Variants in MTDH observed in about 807,000 individuals in gnomAD.
MTDH encodes metadherin, also known as protein LYRIC.
Under a neutral mutation model 72.7 loss-of-function variants are expected in MTDH, and 34 were observed. That is an observed-to-expected ratio of 0.47 (90% confidence interval 0.36 to 0.62). The LOEUF (loss-of-function observed/expected upper bound fraction) is 0.62. Among genes scored for constraint, MTDH ranks in the 20% least tolerant of loss-of-function variants. The pLI is 0.00. For synonymous variants in MTDH, 266 were observed against 268.9 expected (o/e 0.99, Z 0.10); for missense variants, 677 against 699.4 (o/e 0.97, Z 0.36).
chr8:97,680,760 T>C (rs189812528), intron 2 of MTDH, among the ~76,000 whole-genome samples: 181 of 152,312 alleles, frequency 1.2e-3, no homozygotes, highest in African/African-American at 4.1e-3. Context: ...TAAAGGTCGT[T>C]AGTTTCATGC....
At position 97,728,757 on chromosome 8, in the gene MTDH, C is replaced by T. The variant is rs879140898; in HGVS notation, c.*4087C>T. On this transcript the variant is annotated 3_prime_UTR_variant, in exon 12 of 12. Coordinates refer to ENST00000336273, the MANE Select transcript of MTDH (RefSeq NM_178812.4). ...AGCAATAGAGAGACCCCCATCTCGA[C>T]AAAAAAAAAAAAAAAAAATTAGAAA... 1.5e-5 allele frequency: 1 copy of T among 68,796 alleles called. No homozygotes were observed. Among genetic ancestry groups the T allele is most frequent in the African/African-American group, 4.9e-5 (1 of 20,344 alleles). The allele number at this position is 68,796 out of a possible 1,614,324, so 4.3% of individuals were successfully genotyped here. A position where few individuals can be genotyped will look rare whatever the true frequency, so the allele number is the denominator to read the frequency against.
intron 2 of MTDH, among the ~76,000 whole-genome samples, chr8:97,676,060 C>T (rs1444901755): frequency 1.3e-5 from 2 of 151,814 alleles, no homozygotes; most frequent in South Asian, 4.2e-4. Flanking sequence ...CCATCTCAGC[C>T]ACCCAAGTAG....
intron 5 of MTDH, among the ~76,000 whole-genome samples, chr8:97,690,750 G>A (rs1813570774): frequency 6.6e-6 from 1 of 152,130 alleles, no homozygotes; most frequent in African/African-American, 2.4e-5. Flanking sequence ...CTTTGAGCAA[G>A]TTATTCTGCT....
At chr8:97,716,999 C>T (rs1049414844) in intron 9 of MTDH, among the ~76,000 whole-genome samples, 6 of 152,060 alleles carry the variant, frequency 3.9e-5, no homozygotes, top group African/African-American at 7.2e-5. Flanking sequence ...TTTTGGTGTT[C>T]GTGTGTGGCT....
intron 2 of MTDH, among the ~76,000 whole-genome samples, chr8:97,671,818 C>G (rs972750010): frequency 2.0e-5 from 3 of 151,940 alleles, no homozygotes; most frequent in African/African-American, 7.3e-5. Flanking sequence ...CCCTCCAGCC[C>G]GGATGGTAGA....
intron 5 of MTDH, among the ~76,000 whole-genome samples, chr8:97,689,874 A>T (rs1813516841): frequency 6.6e-6 from 1 of 151,258 alleles, no homozygotes; most frequent in African/African-American, 2.4e-5. Flanking sequence ...TACCTGGCTA[A>T]TTTTTTTATT....
At chr8:97,649,477 A>T (rs1230796250) in intron 1 of MTDH, among the ~76,000 whole-genome samples, 1 of 152,220 alleles carries the variant, frequency 6.6e-6, no homozygotes, top group Non-Finnish European at 1.5e-5. Context: ...AAAATTCATG[A>T]CATGGCACTC....
At chr8:97,710,667 CAG>C (rs1382466275) in intron 8 of MTDH, among the ~76,000 whole-genome samples, 1 of 107,102 alleles carries the variant, frequency 9.3e-6, no homozygotes, top group Non-Finnish European at 1.7e-5. Context: ...GCCTGGGCAA[CAG>C]AGTGAGACTA....
intron 2 of MTDH, among the ~76,000 whole-genome samples, chr8:97,682,272 A>G (rs1472793932): frequency 6.5e-4 from 4 of 6,124 alleles, no homozygotes; most frequent in African/African-American, 1.3e-3. Flanking sequence ...ATATATATAT[A>G]TATATATATT....
intron 7 of MTDH, among the ~76,000 whole-genome samples, chr8:97,700,525 TG>T (rs1814073784): frequency 2.0e-5 from 3 of 152,148 alleles, no homozygotes; most frequent in Admixed American, 2.0e-4. Flanking sequence ...TCTCTGAAAA[TG>T]GGGACTAGCA....
intron 6 of MTDH, among the ~76,000 whole-genome samples, chr8:97,693,742 G>T (rs1442664956): frequency 6.6e-6 from 1 of 152,024 alleles, no homozygotes; most frequent in Non-Finnish European, 1.5e-5. Context: ...TTGAGACAGG[G>T]TCGTACTCTG....
Position 97,719,042 on chromosome 8 carries a change from T to C in MTDH, c.1381-7T>C, listed in dbSNP as rs1814995533. 1.3e-6 allele frequency: 2 copies of C among 1,581,662 alleles called. No homozygotes were observed. The highest frequency in any genetic ancestry group is 1.7e-6 in the Non-Finnish European group (2 of 1,165,812). On this transcript the variant is annotated splice_polypyrimidine_tract_variant and splice_region_variant and intron_variant, in intron 9 of 11. Coordinates refer to ENST00000336273, the MANE Select transcript of MTDH (RefSeq NM_178812.4). ...TATATAATCTAATAGGTTATTTTTC[T>C]CTATAGGACACAGAAGAATTAGAAA...
At chr8:97,697,130 A>AAAAAAAAAAAAAAAAATATC (rs1813874804) in intron 6 of MTDH, among the ~76,000 whole-genome samples, 1 of 93,394 alleles carries the variant, frequency 1.1e-5, no homozygotes, top group Non-Finnish European at 1.9e-5. Flanking sequence ...AAAAAAAAAA[A>AAAAAAAAAAAAAAAAATATC]TATATATATA....
intron 9 of MTDH, 119 bp from the exon 10 acceptor site, chr8:97,718,930 A>G: frequency 1.1e-6 from 1 of 890,740 alleles, no homozygotes. Context: ...TCCTGAGCTC[A>G]AGCAATTCAC....
chr8:97,713,583 A>G lies in MTDH; in HGVS notation c.1273-79A>G, dbSNP rs1303794481. ...AAATGAAGACTGTACCTAATGAATG[A>G]AATTATTTCATAATAATTTTCTAAA... On this transcript the variant is annotated intron_variant, in intron 8 of 11. Transcript: ENST00000336273. The G allele has an allele frequency of 8.6e-6, 7 of 811,634 alleles. No individual in the cohort carries two copies. The East Asian group carries it at 1.5e-4, about 17-fold the overall frequency. 50.3% of individuals were successfully genotyped at this position (811,634 alleles called of 1,614,324 possible). A position where few individuals can be genotyped will look rare whatever the true frequency, so the allele number is the denominator to read the frequency against.
At chr8:97,672,936 G>A (rs1338229639) in intron 2 of MTDH, among the ~76,000 whole-genome samples, 4 of 152,134 alleles carry the variant, frequency 2.6e-5, no homozygotes, top group Non-Finnish European at 5.9e-5. Context: ...ATAATTTAAT[G>A]ACTTGGACGA....
chr8:97,646,213 A>G (rs959322180), intron 1 of MTDH, among the ~76,000 whole-genome samples: 1 of 152,204 alleles, frequency 6.6e-6, no homozygotes. Context: ...TAGAGATGTG[A>G]CAGGTCACAG....
Position 97,728,848 on chromosome 8 carries a change from T to C in MTDH, c.*4178T>C, listed in dbSNP as rs1261851430. 6.6e-6 allele frequency: 1 copy of C among 150,736 alleles called. No individual in the cohort carries two copies. Among genetic ancestry groups the C allele is most frequent in the African/African-American group, 2.4e-5 (1 of 41,182 alleles). The allele number at this position is 150,736 out of a possible 1,614,324, so 9.3% of individuals were successfully genotyped here. ...AGGCAATCCAGAGCCCATATGACAT[T>C]ATGCAGGGTCAGGGATCCGGGTTCT... is the stretch of plus-strand genomic sequence containing the variant. On this transcript the variant is annotated 3_prime_UTR_variant, in exon 12 of 12. Coordinates refer to ENST00000336273, the MANE Select transcript of MTDH (RefSeq NM_178812.4).
At chr8:97,714,680 A>G (rs1486450299) in intron 9 of MTDH, among the ~76,000 whole-genome samples, 3 of 152,106 alleles carry the variant, frequency 2.0e-5, no homozygotes, top group Non-Finnish European at 2.9e-5. Flanking sequence ...TTAAAGCACT[A>G]ATACTGTTAC....
Sources: allele counts gnomAD v4.1 joint callset (sites outside exome capture counted in the v4.1 genomes callset), GRCh38; gene constraint gnomAD v4.1.1; transcripts MANE v1.5; gene names NCBI Gene and HGNC (gene_info 2026-07-23, HGNC 2026-07-21).